Variants in DCAF5 observed in about 807,000 individuals in gnomAD.
DCAF5 encodes the protein DDB1- and CUL4-associated factor 5.
DCAF5 carries 9 observed loss-of-function variants against 80.7 expected under a neutral mutation model. That is an observed-to-expected ratio of 0.11 (90% CI 0.07 to 0.19). The LOEUF (loss-of-function observed/expected upper bound fraction) is 0.19. Ranked by LOEUF, DCAF5 falls within the 10% of genes least tolerant of loss-of-function variation. The probability of loss-of-function intolerance (pLI) is 1.00; values close to 1 mark genes in which losing one functional copy is unlikely to be tolerated. For missense variants in DCAF5, 842 were observed against 1,205.7 expected (o/e 0.70, Z 4.47); for synonymous variants, 433 against 461.9 (o/e 0.94, Z 0.80).
intron 6 of DCAF5, chr14:69,085,495 A>G: frequency 2.8e-6 from 1 of 350,898 alleles, no homozygotes; most frequent in Non-Finnish European, 5.6e-6. Flanking sequence ...CTTATCTAAC[A>G]AGAGTATAAA....
chr14:69,121,263 A>G (rs2040710155), intron 2 of DCAF5, among the ~76,000 whole-genome samples: 1 of 152,196 alleles, frequency 6.6e-6, no homozygotes, highest in African/African-American at 2.4e-5. Flanking sequence ...ATGAATTCAA[A>G]GGAGAATTAG....
rs760115268 is a variant in DCAF5 at position 69,153,002 on chromosome 14, T to TCGCGCCGCCGCC, written c.-36_-25dup. 1.7e-4 allele frequency: 267 copies of TCGCGCCGCCGCC among 1,528,012 alleles called. 7 individuals carry two copies. The African/African-American group carries it at 3.1e-3, about 18-fold the overall frequency. 94.7% of individuals were successfully genotyped at this position (1,528,012 alleles called of 1,614,324 possible). ...ATGCTGGAACCGCCGCCGCCGCCGC[T>TCGCGCCGCCGCC]CGCGCCGCCGCCCCTCCCTCGGCCT... On this transcript the variant is annotated 5_prime_UTR_variant, in exon 1 of 9. Coordinates refer to ENST00000341516, the MANE Select transcript of DCAF5 (RefSeq NM_003861.3).
intron 5 of DCAF5, among the ~76,000 whole-genome samples, chr14:69,099,925 C>T (rs1280278435): frequency 6.6e-6 from 1 of 151,156 alleles, no homozygotes; most frequent in Non-Finnish European, 1.5e-5. Flanking sequence ...AATAAAATAA[C>T]ATTAAAAAAA....
chr14:69,066,188 G>A (rs1316058625), intron 7 of DCAF5, among the ~76,000 whole-genome samples: 1 of 150,936 alleles, frequency 6.6e-6, no homozygotes, highest in Non-Finnish European at 1.5e-5. Flanking sequence ...AGGCTAGAGT[G>A]TAGTGGCATG....
At chr14:69,101,263 A>G (rs1300076148) in intron 5 of DCAF5, among the ~76,000 whole-genome samples, 1 of 152,216 alleles carries the variant, frequency 6.6e-6, no homozygotes, top group African/African-American at 2.4e-5. Flanking sequence ...GGCCAGAAGG[A>G]TTCATCTAAG....
Position 69,122,308 on chromosome 14 carries a change from G to A in DCAF5, c.267C>T (p.Ser89=). ...LLWHMEQAIH[S]RVKPIQLKGE... ...CTTTCAGCTGTATGGGCTTGACCCT[G>A]GAGTGGATGGCTTGTTCCATGTGCC... is the stretch of plus-strand genomic sequence containing the variant. Residue 89 remains serine, a synonymous_variant, in exon 2 of 9, where the codon TCC becomes TCT. Coordinates refer to ENST00000341516, the MANE Select transcript of DCAF5 (RefSeq NM_003861.3). 6.2e-7 allele frequency: 1 copy of A among 1,613,910 alleles called. No homozygotes were observed. Among genetic ancestry groups the A allele is most frequent in the Non-Finnish European group, 8.5e-7 (1 of 1,179,848 alleles).
chr14:69,114,451 C>T (rs1208683298), intron 5 of DCAF5, among the ~76,000 whole-genome samples: 4 of 152,030 alleles, frequency 2.6e-5, no homozygotes, highest in East Asian at 1.9e-4. Flanking sequence ...AAAAAGAAAT[C>T]GAGAACAGTG....
intron 7 of DCAF5, among the ~76,000 whole-genome samples, chr14:69,065,074 G>T (rs766329432): frequency 1.3e-5 from 2 of 149,284 alleles, no homozygotes; most frequent in South Asian, 4.3e-4. Flanking sequence ...TGTTTCTCTT[G>T]CACTTTCATG....
intron 1 of DCAF5, among the ~76,000 whole-genome samples, chr14:69,150,417 AG>A (rs2041664115): frequency 6.6e-6 from 1 of 152,134 alleles, no homozygotes; most frequent in African/African-American, 2.4e-5. Context: ...ATTAAGATAA[AG>A]GAAATGACCT....
In DCAF5 at chr14:69,122,311, G is replaced by A. The variant is rs749220088; in HGVS notation, c.264C>T (p.His88=). ...VLLWHMEQAI[H]SRVKPIQLKG... Reference sequence around the variant, plus strand: ...TCAGCTGTATGGGCTTGACCCTGGAGTGGATGGCTTGTTCCATGTGCCATA... The same window carrying A: ...TCAGCTGTATGGGCTTGACCCTGGAATGGATGGCTTGTTCCATGTGCCATA... The change falls in exon 2 of 9, where the codon CAC becomes CAT. Residue 88 remains histidine (H), a synonymous_variant. Transcript: ENST00000341516. The A allele has an allele frequency of 1.2e-6, 2 of 1,613,930 alleles. No homozygotes were observed. The highest frequency in any genetic ancestry group is 8.5e-7 in the Non-Finnish European group (1 of 1,179,870).
rs944930696 is a variant in DCAF5 at position 69,055,344 on chromosome 14, C to T, written c.1342G>A (p.Ala448Thr). The T allele has an allele frequency of 1.2e-6, 2 of 1,614,166 alleles. No homozygotes were observed. Among genetic ancestry groups the T allele is most frequent in the South Asian group, 1.1e-5 (1 of 91,084 alleles). The change falls in exon 9 of 9, where the codon GCT becomes ACT. Residue 448 changes from alanine (A) to threonine (T), a missense_variant. Physicochemically the swap from Ala to Thr is moderately conservative, Grantham distance 58. Coordinates refer to ENST00000341516, the MANE Select transcript of DCAF5 (RefSeq NM_003861.3). This position sits in a 1 kb window ranked among gnomAD's most constrained non-coding sequence, Gnocchi z 5.6. ...TAGCCTGAGCGCTCGCTGACCCCAG[C>T]GTGCAGTTGGAGGATAGTACTCTCA... Reference protein sequence around the residue: ...LSESTILQLHAGVSERSGYTD... With the variant: ...LSESTILQLHTGVSERSGYTD...
intron 5 of DCAF5, among the ~76,000 whole-genome samples, chr14:69,093,702 T>C (rs182681060): frequency 2.6e-5 from 4 of 152,210 alleles, no homozygotes; most frequent in Admixed American, 2.6e-4. Flanking sequence ...AAAGCAGTCT[T>C]CTCACCAAAG....
At chr14:69,122,535 T>C (rs2040754233) in intron 1 of DCAF5, among the ~76,000 whole-genome samples, 175 bp from the exon 2 acceptor site, 1 of 152,156 alleles carries the variant, frequency 6.6e-6, no homozygotes, top group Non-Finnish European at 1.5e-5. Context: ...TAGGCACGTG[T>C]TCTCTAGGCC....
chr14:69,085,204 G>C, intron 6 of DCAF5: 1 of 719,804 alleles, frequency 1.4e-6, no homozygotes, highest in East Asian at 2.7e-5. Flanking sequence ...TTTGCCTCAA[G>C]TTGCTGTCAT....
At chr14:69,056,155 A>C (rs546898288) in intron 8 of DCAF5, among the ~76,000 whole-genome samples, 10 of 152,296 alleles carry the variant, frequency 6.6e-5, no homozygotes, top group Admixed American at 3.9e-4. Flanking sequence ...CCTATTTTTA[A>C]CTAATGGGAA....
At chr14:69,150,245 G>C (rs2041659981) in intron 1 of DCAF5, among the ~76,000 whole-genome samples, 1 of 152,108 alleles carries the variant, frequency 6.6e-6, no homozygotes, top group Non-Finnish European at 1.5e-5. Flanking sequence ...AGGGAGTATG[G>C]GGGGAAGGAA....
At chr14:69,134,327 C>T (rs943462167) in intron 1 of DCAF5, among the ~76,000 whole-genome samples, 2 of 152,138 alleles carry the variant, frequency 1.3e-5, no homozygotes, top group Non-Finnish European at 1.5e-5. Flanking sequence ...GCACATAAAA[C>T]CCGTGACTTA....
chr14:69,121,681 A>C (rs2140068840), intron 2 of DCAF5, among the ~76,000 whole-genome samples: 1 of 152,238 alleles, frequency 6.6e-6, no homozygotes, highest in East Asian at 1.9e-4. Flanking sequence ...CTCAGAAAAG[A>C]GGTCAGAACT....
At chr14:69,139,442 G>C (rs1374324819) in intron 1 of DCAF5, among the ~76,000 whole-genome samples, 1 of 152,064 alleles carries the variant, frequency 6.6e-6, no homozygotes, top group Non-Finnish European at 1.5e-5. Flanking sequence ...CGAAGCTTCA[G>C]TTAGCTATGA....
Sources: allele counts gnomAD v4.1 joint callset (sites outside exome capture counted in the v4.1 genomes callset), GRCh38; gene constraint gnomAD v4.1.1; non-coding constraint Gnocchi (gnomAD v3.1); transcripts MANE v1.5; gene names NCBI Gene and HGNC (gene_info 2026-07-23, HGNC 2026-07-21).